The following CHN1 variants were observed in gnomAD, a reference collection of about 807,000 sequenced individuals.
The protein encoded by CHN1 is N-chimaerin.
In CHN1, 37 loss-of-function variants were observed where a neutral mutation model predicts 59.5. That is an observed-to-expected ratio of 0.62 (90% confidence interval 0.48 to 0.82). The LOEUF is 0.82. Among genes scored for constraint, CHN1 ranks in the 40% least tolerant of loss-of-function variants. The pLI is 0.00. For synonymous variants in CHN1, 206 were observed against 200.4 expected (o/e 1.03, Z -0.24); for missense variants, 469 against 571.0 (o/e 0.82, Z 1.82).
At chr2:174,800,387 G>A (rs974713933) in intron 12 of CHN1, 100 bp from the exon 13 acceptor site, 32 of 932,890 alleles carry the variant, frequency 3.4e-5, no homozygotes, top group Middle Eastern at 2.7e-4. Context: ...AAAAGTTTGC[G>A]TCCGCTTATC....
At chr2:174,815,580 G>T (rs935873) in intron 8 of CHN1, among the ~76,000 whole-genome samples, 75,052 of 146,640 alleles carry the variant, frequency 0.51, 19,888 homozygotes, top group Admixed American at 0.62. Flanking sequence ...ATTTCTTTTC[G>T]GATATTTCCT....
intron 3 of CHN1, among the ~76,000 whole-genome samples, chr2:174,929,534 T>A (rs553248338): frequency 6.6e-6 from 1 of 151,892 alleles, no homozygotes; most frequent in East Asian, 1.9e-4. Context: ...GCTGAGATCA[T>A]GCCACTGCAC....
In CHN1 at chr2:174,834,971, T is replaced by C. The variant is rs77323020; in HGVS notation, c.628-10453A>G. On this transcript the variant is annotated intron_variant, in intron 7 of 12. Coordinates refer to ENST00000409900, the MANE Select transcript of CHN1 (RefSeq NM_001822.7). ...TTCTAGATCTGAGAGACATCCTCTGTACATTACGTGTGGGATGAACAACCT... is the reference window on the plus strand; with the variant it reads ...TTCTAGATCTGAGAGACATCCTCTGCACATTACGTGTGGGATGAACAACCT... Among the ~76,000 whole-genome samples, 756 of 152,334 alleles carry C rather than the reference T, an allele frequency of 5.0e-3. 7 individuals are homozygous for C. Among genetic ancestry groups the C allele is most frequent in the African/African-American group, 0.017 (699 of 41,570 alleles).
intron 5 of CHN1, among the ~76,000 whole-genome samples, chr2:174,888,389 G>A (rs1046974117): frequency 1.3e-5 from 2 of 152,126 alleles, no homozygotes; most frequent in African/African-American, 4.8e-5. Context: ...TCACTCGGAA[G>A]GATGACAAGA....
At chr2:174,824,040 A>T (rs546104424) in intron 8 of CHN1, among the ~76,000 whole-genome samples, 1 of 152,238 alleles carries the variant, frequency 6.6e-6, no homozygotes. Context: ...TTATCTTTAA[A>T]ATTCAGTTTC....
intron 1 of CHN1, among the ~76,000 whole-genome samples, chr2:174,981,744 T>A (rs1375316385): frequency 6.6e-6 from 1 of 152,208 alleles, no homozygotes; most frequent in Non-Finnish European, 1.5e-5. Flanking sequence ...TGATATGAAA[T>A]ACTCTATTAA....
intron 11 of CHN1, 73 bp from the exon 12 acceptor site, chr2:174,801,885 A>C (rs142527334): frequency 1.8e-6 from 2 of 1,090,470 alleles, no homozygotes; most frequent in Non-Finnish European, 2.8e-6. Context: ...ACTGAATTCT[A>C]TTCTTGTGAT....
rs1475507089 is a variant in CHN1 at position 174,999,671 on chromosome 2, TA to T, written c.19+5222del. 5.3e-5 allele frequency among the ~76,000 whole-genome samples: 8 copies of T among 151,950 alleles called. 1 individual carries two copies. Among genetic ancestry groups the T allele is most frequent in the African/African-American group, 1.9e-4 (8 of 41,462 alleles). On this transcript the variant is annotated intron_variant, in intron 1 of 12. Coordinates refer to ENST00000409900, the MANE Select transcript of CHN1 (RefSeq NM_001822.7). ...GAGTTGAGGAGATGGAGAGTTGGGG[TA>T]AAAAAAAGTACTGTATTTACGTTAT...
intron 5 of CHN1, among the ~76,000 whole-genome samples, chr2:174,906,326 A>G (rs1319160419): frequency 2.0e-5 from 3 of 152,214 alleles, no homozygotes; most frequent in Non-Finnish European, 4.4e-5. Flanking sequence ...TAAACCTTGA[A>G]AACATTATGC....
At chr2:174,980,568 A>G (rs779962621) in intron 1 of CHN1, among the ~76,000 whole-genome samples, 7 of 152,192 alleles carry the variant, frequency 4.6e-5, no homozygotes, top group Non-Finnish European at 8.8e-5. Flanking sequence ...CTAATTGAAG[A>G]ATTAAGCTTA....
At chr2:174,995,335 C>T (rs1691672570) in intron 1 of CHN1, among the ~76,000 whole-genome samples, 1 of 152,170 alleles carries the variant, frequency 6.6e-6, no homozygotes, top group African/African-American at 2.4e-5. Context: ...TTTTAAGTTG[C>T]ATGCTATTCT....
chr2:174,978,918 C>A (rs904738146), intron 1 of CHN1, among the ~76,000 whole-genome samples: 1 of 152,178 alleles, frequency 6.6e-6, no homozygotes, highest in Non-Finnish European at 1.5e-5. Context: ...CACCATCAAT[C>A]AGATAAAATC....
At chr2:174,876,483 A>G (rs576943153) in intron 6 of CHN1, among the ~76,000 whole-genome samples, 1 of 152,340 alleles carries the variant, frequency 6.6e-6, no homozygotes, top group Admixed American at 6.5e-5. Context: ...TAGACCATGA[A>G]AAGAATATTA....
At chr2:174,801,387 A>G (rs1465585787) in intron 12 of CHN1, among the ~76,000 whole-genome samples, 1 of 152,170 alleles carries the variant, frequency 6.6e-6, no homozygotes, top group Non-Finnish European at 1.5e-5. Context: ...TTATTATGCA[A>G]GTGTCTTTAC....
intron 1 of CHN1, among the ~76,000 whole-genome samples, chr2:174,997,753 C>T (rs769672599): frequency 9.2e-5 from 14 of 151,986 alleles, no homozygotes; most frequent in Non-Finnish European, 1.8e-4. Flanking sequence ...TACAAAAGGC[C>T]GGGTGTGGTG....
intron 5 of CHN1, among the ~76,000 whole-genome samples, chr2:174,907,860 A>T (rs1456208115): frequency 2.0e-5 from 3 of 152,268 alleles, no homozygotes; most frequent in African/African-American, 2.4e-5. Context: ...TTTCAGATTG[A>T]TAAAAGTTTT....
intron 7 of CHN1, among the ~76,000 whole-genome samples, chr2:174,833,569 G>A (rs368559674): frequency 3.9e-5 from 6 of 152,012 alleles, no homozygotes; most frequent in East Asian, 3.9e-4. Context: ...ACTGGATCTT[G>A]CTTTTTTGTC....
At chr2:174,809,177 T>C in intron 10 of CHN1, 135 bp from the exon 11 acceptor site, 2 of 760,986 alleles carry the variant, frequency 2.6e-6, no homozygotes, top group South Asian at 4.6e-5. Flanking sequence ...TTTAGTGTGC[T>C]ACGTTACATA....
rs1463836495 is a variant in CHN1, at chr2:174,811,361, AAAG to A, written c.964+147_964+149del. The A allele has an allele frequency of 3.5e-5, 19 of 550,498 alleles. No individual in the cohort carries two copies. In the Middle Eastern group the frequency reaches 1.3e-3, roughly 37 times the overall value. 34.1% of individuals were successfully genotyped at this position (550,498 alleles called of 1,614,324 possible). ...CTGTTTAATACTTACAACTCAGAAAAAAGAAGAAATTATAAGCTAAGTTTTTTA... is the reference window on the plus strand; with the variant it reads ...CTGTTTAATACTTACAACTCAGAAAAAAGAAATTATAAGCTAAGTTTTTTA... On this transcript the variant is annotated intron_variant, in intron 10 of 12. Coordinates refer to ENST00000409900, the MANE Select transcript of CHN1 (RefSeq NM_001822.7).
Sources: gnomAD v4.1 joint callset for allele counts (sites outside exome capture counted in the v4.1 genomes callset) on GRCh38, gnomAD v4.1.1 for gene constraint, MANE v1.5 for transcripts, NCBI Gene and HGNC (gene_info 2026-07-23, HGNC 2026-07-21) for gene names.